Variants in APOLD1 observed in about 807,000 individuals in gnomAD.
APOLD1 encodes apolipoprotein L domain-containing protein 1.
Under a neutral mutation model 15.3 loss-of-function variants are expected in APOLD1, and 22 were observed. That is an observed-to-expected ratio of 1.44 (90% CI 1.03 to 2.05). The LOEUF is 2.05. APOLD1 is among the 30% of genes most tolerant of loss of function. The pLI, the probability that APOLD1 is intolerant of heterozygous loss-of-function variation, is 0.00. For missense variants in APOLD1, 394 were observed against 353.5 expected, an observed-to-expected ratio of 1.11 and a Z score of -0.92; for synonymous variants, 190 against 167.4, an observed-to-expected ratio of 1.13 and a Z score of -1.04.
At chr12:12,749,005 G>A (rs1215977967) in intron 1 of APOLD1, among the ~76,000 whole-genome samples, 1 of 152,206 alleles carries the variant, frequency 6.6e-6, no homozygotes, top group African/African-American at 2.4e-5. Context: ...GAGGTGCACA[G>A]TGCTGAAATT....
At chr12:12,775,090 C>T (rs1272287854) in intron 1 of APOLD1, among the ~76,000 whole-genome samples, 1 of 152,144 alleles carries the variant, frequency 6.6e-6, no homozygotes, top group East Asian at 1.9e-4. Context: ...GGTGGCATAT[C>T]CAGACAATGG....
chr12:12,788,531 T>C lies in APOLD1; in HGVS notation c.*879T>C, dbSNP rs1006286013. The C allele has an allele frequency of 3.3e-5, 5 of 152,236 alleles. No individual in the cohort carries two copies. The highest frequency in any genetic ancestry group is 1.3e-4 in the Admixed American group (2 of 15,276). 9.4% of individuals were successfully genotyped at this position (152,236 alleles called of 1,614,324 possible). On this transcript the variant is annotated 3_prime_UTR_variant, in exon 2 of 2. Transcript: ENST00000356591. ...AAACAAAGATGATAAAATCTCACCCTGTTGTGAGATATTAAATGAGCCAAA... is the reference window on the plus strand; with the variant it reads ...AAACAAAGATGATAAAATCTCACCCCGTTGTGAGATATTAAATGAGCCAAA...
chr12:12,726,226 C>T, intron 1 of APOLD1: 1 of 774,538 alleles, frequency 1.3e-6, no homozygotes, highest in East Asian at 2.7e-5. Context: ...CACTCAGAAC[C>T]CATCATAATT....
chr12:12,726,775 T>A (rs1263627545), intron 1 of APOLD1, among the ~76,000 whole-genome samples: 1 of 152,188 alleles, frequency 6.6e-6, no homozygotes, highest in Non-Finnish European at 1.5e-5. Flanking sequence ...CCAACCTGAT[T>A]ATGCCTTTAG....
In APOLD1 at chr12:12,733,410, A is replaced by C. The variant is rs79725494; in HGVS notation, c.96+7314A>C. Reference sequence around the variant, plus strand: ...GGCACAGAACAGTATCTATGGTATGAATGTATTTTTGTGAAAAATTTAAAA... The same window carrying C: ...GGCACAGAACAGTATCTATGGTATGCATGTATTTTTGTGAAAAATTTAAAA... On this transcript the variant is annotated intron_variant, in intron 1 of 1. Coordinates refer to the APOLD1 transcript ENST00000326765. Among the ~76,000 whole-genome samples, 812 of 152,332 alleles carry C rather than the reference A, an allele frequency of 5.3e-3. 8 individuals are homozygous for C. Among genetic ancestry groups the C allele is most frequent in the African/African-American group, 0.019 (775 of 41,572 alleles).
upstream of APOLD1, among the ~76,000 whole-genome samples, chr12:12,781,922 C>G (rs1272544361): frequency 2.6e-5 from 4 of 152,036 alleles, no homozygotes; most frequent in Non-Finnish European, 5.9e-5. Context: ...GTCCTTTCCG[C>G]TAGACTTACT....
At chr12:12,781,400 C>T (rs1451347151), upstream of APOLD1, among the ~76,000 whole-genome samples, 9 of 151,862 alleles carry the variant, frequency 5.9e-5, no homozygotes, top group African/African-American at 9.7e-5. Context: ...GCTGAGATCG[C>T]GTCATTGCCT....
chr12:12,749,508 G>T (rs1460165170), intron 1 of APOLD1, among the ~76,000 whole-genome samples: 2 of 152,200 alleles, frequency 1.3e-5, no homozygotes, highest in African/African-American at 4.8e-5. Flanking sequence ...TGCAGGCAGA[G>T]TCTTAGTTTC....
At chr12:12,750,372 CAAAAA>C (rs34629361) in intron 1 of APOLD1, among the ~76,000 whole-genome samples, 2 of 75,392 alleles carry the variant, frequency 2.7e-5, no homozygotes, top group Non-Finnish European at 5.0e-5. Flanking sequence ...GACTCTGTCT[CAAAAA>C]AAAAAAAAAA....
At chr12:12,768,742 C>G (rs1184860482) in intron 1 of APOLD1, among the ~76,000 whole-genome samples, 1 of 151,522 alleles carries the variant, frequency 6.6e-6, no homozygotes, top group Non-Finnish European at 1.5e-5. Context: ...AGGACTCAAA[C>G]TCCTCGTTTT....
At position 12,790,709 on chromosome 12, in the gene APOLD1, A is replaced by G. The variant is rs564709309; in HGVS notation, c.*3057A>G. ...TTTGAATAATTATAATTAACTGTTT[A>G]GCTATCTTAATGAGAATTTGTTGAC... is the stretch of plus-strand genomic sequence containing the variant. On this transcript the variant is annotated 3_prime_UTR_variant, in exon 2 of 2. Coordinates refer to ENST00000356591, the MANE Select transcript of APOLD1 (RefSeq NM_030817.3). 15 of 152,350 alleles carry G rather than the reference A, an allele frequency of 9.8e-5. No individual in the cohort carries two copies. The highest frequency in any genetic ancestry group is 2.9e-4 in the African/African-American group (12 of 41,590). 9.4% of individuals were successfully genotyped at this position (152,350 alleles called of 1,614,324 possible). A position where few individuals can be genotyped will look rare whatever the true frequency, so the allele number is the denominator to read the frequency against.
chr12:12,783,434 C>T (rs1947099904), upstream of APOLD1, among the ~76,000 whole-genome samples: 1 of 151,838 alleles, frequency 6.6e-6, no homozygotes, highest in Admixed American at 6.6e-5. Flanking sequence ...CCTCAGTCTC[C>T]TGAGTAGCTG....
At chr12:12,737,829 T>C (rs1355017773) in intron 1 of APOLD1, among the ~76,000 whole-genome samples, 1 of 152,096 alleles carries the variant, frequency 6.6e-6, no homozygotes, top group African/African-American at 2.4e-5. Context: ...GGCTGCACGA[T>C]AGTGGAGCAA....
chr12:12,771,479 A>G (rs1235595258), intron 1 of APOLD1: 3 of 486,602 alleles, frequency 6.2e-6, no homozygotes, highest in South Asian at 4.7e-5. Flanking sequence ...AAAGTTTTTC[A>G]TCTGTGTTTT....
chr12:12,745,071 A>G (rs1412123196), intron 1 of APOLD1, among the ~76,000 whole-genome samples: 2 of 152,142 alleles, frequency 1.3e-5, no homozygotes, highest in Admixed American at 1.3e-4. Context: ...ATGTACTGGC[A>G]ATACCTCCCT....
At chr12:12,745,706 A>G (rs1445402910) in intron 1 of APOLD1, among the ~76,000 whole-genome samples, 1 of 152,156 alleles carries the variant, frequency 6.6e-6, no homozygotes, top group South Asian at 2.1e-4. Context: ...GATTAGGTGT[A>G]TTAAGTGCTG....
At chr12:12,776,308 G>A (rs1030611803) in intron 1 of APOLD1, among the ~76,000 whole-genome samples, 1 of 152,180 alleles carries the variant, frequency 6.6e-6, no homozygotes, top group African/African-American at 2.4e-5. Flanking sequence ...AAAACAAGCA[G>A]GTGTTATAAT....
upstream of APOLD1, among the ~76,000 whole-genome samples, chr12:12,783,078 C>T (rs1356015165): frequency 6.6e-6 from 1 of 151,016 alleles, no homozygotes; most frequent in Non-Finnish European, 1.5e-5. Flanking sequence ...TAGTGGTGCA[C>T]GCCTGTAATC....
chr12:12,769,948 A>G (rs1045650589), intron 1 of APOLD1, among the ~76,000 whole-genome samples: 1 of 152,192 alleles, frequency 6.6e-6, no homozygotes, highest in African/African-American at 2.4e-5. Flanking sequence ...CCAAAACATC[A>G]TGCCTGGCTA....
Sources: gnomAD v4.1 joint callset for allele counts (sites outside exome capture counted in the v4.1 genomes callset) on GRCh38, gnomAD v4.1.1 for gene constraint, MANE v1.5 for transcripts, NCBI Gene and HGNC (gene_info 2026-07-23, HGNC 2026-07-21) for gene names.